CNTNAP2: variants seen among roughly 807,000 people sequenced by gnomAD.
CNTNAP2 encodes contactin associated protein 2, also known as contactin-associated protein-like 2.
Under a neutral mutation model 155.2 loss-of-function variants are expected in CNTNAP2, and 98 were observed. The ratio of observed to expected loss-of-function variants is 0.63; its 90% confidence interval spans 0.54 to 0.75. The LOEUF is 0.75. Ranked by LOEUF, CNTNAP2 falls within the 30% of genes least tolerant of loss-of-function variation. CNTNAP2 has a pLI of 0.00. For synonymous variants in CNTNAP2, 651 were observed against 631.2 expected, an observed-to-expected ratio of 1.03 and a Z score of -0.47; for missense variants, 1,727 against 1,688.1, an observed-to-expected ratio of 1.02 and a Z score of -0.40.
At chr7:146,245,781 A>G (rs968447571) in intron 1 of CNTNAP2, among the ~76,000 whole-genome samples, 1 of 152,092 alleles carries the variant, frequency 6.6e-6, no homozygotes, top group African/African-American at 2.4e-5. Flanking sequence ...TAATTTGCTG[A>G]GCCTAATGGG....
At chr7:146,777,863 A>G (rs1449045383) in intron 2 of CNTNAP2, among the ~76,000 whole-genome samples, 1 of 151,598 alleles carries the variant, frequency 6.6e-6, no homozygotes, top group Non-Finnish European at 1.5e-5. Flanking sequence ...AATTCTTGAA[A>G]ACATATATGT....
chr7:148,157,294 A>G (rs1805416973), intron 17 of CNTNAP2, among the ~76,000 whole-genome samples: 1 of 152,214 alleles, frequency 6.6e-6, no homozygotes, highest in Non-Finnish European at 1.5e-5. Context: ...TACATACAGC[A>G]TAGACGGAGG....
chr7:146,600,285 T>C (rs912635733), intron 1 of CNTNAP2, among the ~76,000 whole-genome samples: 1 of 152,174 alleles, frequency 6.6e-6, no homozygotes, highest in African/African-American at 2.4e-5. Flanking sequence ...GCAAATATGT[T>C]ATCTGCATTT....
At chr7:147,106,550 A>G (rs1467583478) in intron 4 of CNTNAP2, among the ~76,000 whole-genome samples, 1 of 152,132 alleles carries the variant, frequency 6.6e-6, no homozygotes, top group African/African-American at 2.4e-5. Context: ...AGCTGATTAT[A>G]AGAATTAAAA....
intron 18 of CNTNAP2, among the ~76,000 whole-genome samples, chr7:148,183,764 G>A (rs1036598637): frequency 3.3e-5 from 5 of 152,122 alleles, no homozygotes; most frequent in Non-Finnish European, 5.9e-5. Flanking sequence ...TTACAGTCAT[G>A]AGCCACCATG....
chr7:147,705,762 T>A (rs549400263), intron 13 of CNTNAP2, among the ~76,000 whole-genome samples: 47 of 152,308 alleles, frequency 3.1e-4, no homozygotes, highest in African/African-American at 1.1e-3. Flanking sequence ...GTTTAGAATT[T>A]TTATATCCAC....
chr7:147,728,036 T>C (rs554877865), intron 13 of CNTNAP2, among the ~76,000 whole-genome samples: 1 of 152,110 alleles, frequency 6.6e-6, no homozygotes, highest in East Asian at 1.9e-4. Context: ...GTGTAAAGCA[T>C]CAGATTGTTT....
chr7:147,769,366 G>T (rs1037049335), intron 13 of CNTNAP2, among the ~76,000 whole-genome samples: 1 of 151,978 alleles, frequency 6.6e-6, no homozygotes, highest in Non-Finnish European at 1.5e-5. Flanking sequence ...ACACCAGCAA[G>T]GTGTCTGGAA....
intron 22 of CNTNAP2, 66 bp from the exon 23 acceptor site, chr7:148,409,325 G>A (rs918834685): frequency 8.3e-6 from 10 of 1,209,856 alleles, no homozygotes; most frequent in Middle Eastern, 1.9e-4. Context: ...TGAAGAAATA[G>A]GTATCAAATT....
At chr7:146,979,290 C>T (rs553919885) in intron 3 of CNTNAP2, among the ~76,000 whole-genome samples, 1 of 152,262 alleles carries the variant, frequency 6.6e-6, no homozygotes, top group Admixed American at 6.5e-5. Context: ...ATGATAGCCA[C>T]ACTGGCCGCC....
intron 1 of CNTNAP2, among the ~76,000 whole-genome samples, chr7:146,128,520 G>A (rs1797670095): frequency 6.6e-6 from 1 of 152,068 alleles, no homozygotes; most frequent in Admixed American, 6.6e-5. Flanking sequence ...GACAAATATA[G>A]AATCTAATTA....
intron 2 of CNTNAP2, among the ~76,000 whole-genome samples, chr7:146,817,871 A>G (rs114711319): frequency 0.016 from 2,369 of 152,298 alleles, 59 homozygotes; most frequent in African/African-American, 0.052. Context: ...GATTAAAACC[A>G]TATCAAATAC....
chr7:146,863,899 AT>A (rs1457134778), intron 3 of CNTNAP2, among the ~76,000 whole-genome samples: 1 of 152,092 alleles, frequency 6.6e-6, no homozygotes, highest in East Asian at 1.9e-4. Context: ...GCTTAGCTGT[AT>A]TTATCAAGTG....
chr7:148,028,170 A>C (rs751368663), intron 15 of CNTNAP2, among the ~76,000 whole-genome samples: 1 of 152,222 alleles, frequency 6.6e-6, no homozygotes, highest in Non-Finnish European at 1.5e-5. Context: ...TCATAAGGTT[A>C]CTTTCACTAA....
intron 1 of CNTNAP2, among the ~76,000 whole-genome samples, chr7:146,271,136 G>A (rs1180035345): frequency 6.6e-6 from 1 of 151,984 alleles, no homozygotes; most frequent in Non-Finnish European, 1.5e-5. Flanking sequence ...TTTCACAAAT[G>A]TCAGAGGTAC....
At chr7:146,169,676 AT>A (rs397714809) in intron 1 of CNTNAP2, among the ~76,000 whole-genome samples, 50 of 147,902 alleles carry the variant, frequency 3.4e-4, no homozygotes, top group African/African-American at 3.7e-4. Flanking sequence ...CTGTGATATG[AT>A]TTTTTTTTTT....
chr7:148,388,015 G>T (rs921559812), intron 22 of CNTNAP2, among the ~76,000 whole-genome samples: 1 of 151,788 alleles, frequency 6.6e-6, no homozygotes, highest in Admixed American at 6.6e-5. Flanking sequence ...TACCCTATAG[G>T]GCCTAAAAAA....
At position 146,238,721 on chromosome 7, in the gene CNTNAP2, G is replaced by A. The variant is rs906150822; in HGVS notation, c.97+121748G>A. Among the ~76,000 whole-genome samples, 10 of 152,266 alleles carry A rather than the reference G, an allele frequency of 6.6e-5. 1 individual carries two copies. The highest frequency in any genetic ancestry group is 2.4e-4 in the African/African-American group (10 of 41,544). On this transcript the variant is annotated intron_variant, in intron 1 of 23. Coordinates refer to ENST00000361727, the MANE Select transcript of CNTNAP2 (RefSeq NM_014141.6). ...ACCTATGACTGGGTAATTCATACAG[G>A]AAAGAGGCAAAACTGACTCACAGTT...
In CNTNAP2 at chr7:147,083,537, C is replaced by T. The variant is rs11973013; in HGVS notation, c.551-24610C>T. Among the ~76,000 whole-genome samples the T allele has an allele frequency of 9.3e-4, 119 of 128,428 alleles. No homozygotes were observed. In the East Asian group the frequency reaches 0.012, roughly 13 times the overall value. The allele number at this position is 128,428 out of a possible 152,430, so 84.3% of individuals were successfully genotyped here. On this transcript the variant is annotated intron_variant, in intron 4 of 23. Transcript: ENST00000361727. ...AAACATCATTTTATATATATATATA[C>T]ATATATATATATGTATATATATATA...
Sources: allele counts gnomAD v4.1 joint callset (sites outside exome capture counted in the v4.1 genomes callset), GRCh38; gene constraint gnomAD v4.1.1; transcripts MANE v1.5; gene names NCBI Gene and HGNC (gene_info 2026-07-23, HGNC 2026-07-21).